PLCXD2: variants seen among roughly 807,000 people sequenced by gnomAD.
PLCXD2 encodes the protein phosphatidylinositol specific phospholipase C X domain containing 2.
In PLCXD2, 21 loss-of-function variants were observed where a neutral mutation model predicts 28.6. The observed-to-expected ratio is 0.73, with a 90% CI of 0.52 to 1.06. The LOEUF (loss-of-function observed/expected upper bound fraction) is 1.06, where lower values mean the gene tolerates loss of function less well. PLCXD2 is among the 50% of genes least tolerant of loss of function. The probability of loss-of-function intolerance (pLI) is 0.00; values close to 1 mark genes in which losing one functional copy is unlikely to be tolerated. For missense variants in PLCXD2, 369 were observed against 376.7 expected (o/e 0.98, Z 0.17); for synonymous variants, 140 against 150.1 (o/e 0.93, Z 0.49).
At chr3:111,704,605 C>T (rs777839319) in intron 1 of PLCXD2, among the ~76,000 whole-genome samples, 1 of 152,114 alleles carries the variant, frequency 6.6e-6, no homozygotes, top group Non-Finnish European at 1.5e-5. Context: ...TTATGGGATA[C>T]AGAGTGATAT....
chr3:111,703,102 A>G (rs1309209677), intron 1 of PLCXD2, among the ~76,000 whole-genome samples: 1 of 152,212 alleles, frequency 6.6e-6, no homozygotes, highest in African/African-American at 2.4e-5. Flanking sequence ...ATAGTGGTTA[A>G]TAAGTGAGAG....
At chr3:111,714,647 T>C (rs2399395) in intron 3 of PLCXD2, among the ~76,000 whole-genome samples, 145,346 of 152,292 alleles carry the variant, frequency 0.95, 69,402 homozygotes, top group Middle Eastern at 0.98. Context: ...TTGAGCCTGG[T>C]TGTACAATTA....
chr3:111,701,193 A>C (rs1941037265), intron 1 of PLCXD2, among the ~76,000 whole-genome samples: 1 of 152,242 alleles, frequency 6.6e-6, no homozygotes, highest in South Asian at 2.1e-4. Flanking sequence ...TTCAGCACTT[A>C]CTAAGTGTCA....
Position 111,712,872 on chromosome 3 carries a change from C to T in PLCXD2, c.625-1015C>T, listed in dbSNP as rs1417624973. Among the ~76,000 whole-genome samples the T allele has an allele frequency of 2.0e-5, 3 of 152,302 alleles. No homozygotes were observed. The East Asian group carries it at 5.8e-4, about 29-fold the overall frequency. On this transcript the variant is annotated intron_variant, in intron 2 of 4. Coordinates refer to ENST00000477665, the MANE Select transcript of PLCXD2 (RefSeq NM_001185106.1). ...CAGCAGAGCTCTGAATTGGGACGAT[C>T]AAAATAGCAGTTTCCTATCCCACAG...
chr3:111,688,523 T>C (rs1164009587), intron 1 of PLCXD2, among the ~76,000 whole-genome samples: 1 of 152,258 alleles, frequency 6.6e-6, no homozygotes, highest in African/African-American at 2.4e-5. Flanking sequence ...CAGAATCTTT[T>C]CTGGTCTTCC....
intron 1 of PLCXD2, among the ~76,000 whole-genome samples, chr3:111,679,326 G>A (rs539533216): frequency 6.6e-6 from 1 of 152,096 alleles, no homozygotes; most frequent in Middle Eastern, 3.4e-3. Flanking sequence ...GGTATATGAG[G>A]GAAATGGCTA....
intron 1 of PLCXD2, among the ~76,000 whole-genome samples, chr3:111,702,113 A>C (rs543587972): frequency 6.6e-6 from 1 of 152,304 alleles, no homozygotes; most frequent in African/African-American, 2.4e-5. Flanking sequence ...GAAGGTGGAC[A>C]GAGGAAGTGA....
chr3:111,694,771 T>C (rs1341992890), intron 1 of PLCXD2, among the ~76,000 whole-genome samples: 1 of 152,154 alleles, frequency 6.6e-6, no homozygotes, highest in African/African-American at 2.4e-5. Context: ...GCTAGGCCGG[T>C]GCTCTCTGAA....
intron 1 of PLCXD2, among the ~76,000 whole-genome samples, chr3:111,696,873 T>G (rs577759170): frequency 1.2e-4 from 18 of 152,302 alleles, no homozygotes; most frequent in African/African-American, 4.3e-4. Context: ...TTTAAAAGAA[T>G]TTTTAGAGAA....
chr3:111,710,730 G>A (rs894224578), intron 2 of PLCXD2, among the ~76,000 whole-genome samples: 1 of 152,148 alleles, frequency 6.6e-6, no homozygotes, highest in African/African-American at 2.4e-5. Context: ...CAGAGAATTA[G>A]CAGAATGGGA....
At chr3:111,707,182 C>T (rs1034762082) in intron 1 of PLCXD2, among the ~76,000 whole-genome samples, 8 of 152,098 alleles carry the variant, frequency 5.3e-5, no homozygotes, top group African/African-American at 1.4e-4. Context: ...CATTGAGGTA[C>T]GAATTCAAAA....
chr3:111,687,401 T>G (rs1194338191), intron 1 of PLCXD2, among the ~76,000 whole-genome samples: 1 of 152,196 alleles, frequency 6.6e-6, no homozygotes, highest in African/African-American at 2.4e-5. Context: ...TCTAAGGGTT[T>G]TTTGTTTTCT....
chr3:111,711,472 C>T (rs1160741196), intron 2 of PLCXD2, among the ~76,000 whole-genome samples: 1 of 152,116 alleles, frequency 6.6e-6, no homozygotes, highest in East Asian at 1.9e-4. Context: ...ACCAGTCATC[C>T]CTGCTACTGC....
intron 3 of PLCXD2, chr3:111,726,550 A>G (rs1451675437): frequency 6.6e-6 from 1 of 152,222 alleles, no homozygotes; most frequent in Non-Finnish European, 1.5e-5. Flanking sequence ...TTGTTTGCTA[A>G]GTAAAATGAT....
chr3:111,725,921 G>A (rs1212852054), intron 3 of PLCXD2: 6 of 398,290 alleles, frequency 1.5e-5, no homozygotes, highest in Non-Finnish European at 2.2e-5. Context: ...GCTAACCACA[G>A]GATGCTGGCA....
chr3:111,695,922 G>A lies in PLCXD2; in HGVS notation c.164-12004G>A, dbSNP rs568726592. On this transcript the variant is annotated intron_variant, in intron 1 of 4. Transcript: ENST00000477665. ...GGACCACAGTTGACTGTGGCTAACT[G>A]AAACTGTGGAAATTGAAACTGCAAA... is the stretch of plus-strand genomic sequence containing the variant. 6.1e-4 allele frequency among the ~76,000 whole-genome samples: 93 copies of A among 152,340 alleles called. 1 individual carries two copies. The highest frequency in any genetic ancestry group is 2.1e-3 in the African/African-American group (86 of 41,582).
At chr3:111,699,221 C>G (rs1359342971) in intron 1 of PLCXD2, among the ~76,000 whole-genome samples, 1 of 152,220 alleles carries the variant, frequency 6.6e-6, no homozygotes. Flanking sequence ...TAACTCTTGT[C>G]TCAATCTTCC....
chr3:111,696,031 C>T (rs1221066626), intron 1 of PLCXD2, among the ~76,000 whole-genome samples: 1 of 152,124 alleles, frequency 6.6e-6, no homozygotes, highest in Non-Finnish European at 1.5e-5. Flanking sequence ...TCTCTGAAAC[C>T]CTCAAAGATG....
chr3:111,685,858 A>G (rs866436829), intron 1 of PLCXD2, among the ~76,000 whole-genome samples: 6 of 152,222 alleles, frequency 3.9e-5, no homozygotes, highest in Non-Finnish European at 7.3e-5. Flanking sequence ...ATTGAAGAAG[A>G]GAAAATCTTT....
Sources: allele counts gnomAD v4.1 joint callset (sites outside exome capture counted in the v4.1 genomes callset), GRCh38; gene constraint gnomAD v4.1.1; transcripts MANE v1.5; gene names NCBI Gene and HGNC (gene_info 2026-07-23, HGNC 2026-07-21).